Variants in DOK6 observed in about 807,000 individuals in gnomAD.
DOK6 encodes the protein docking protein 6, also known as downstream of tyrosine kinase 6.
In DOK6, 22 loss-of-function variants were observed where a neutral mutation model predicts 44.0. The observed-to-expected ratio is 0.50, with a 90% CI of 0.36 to 0.71. The LOEUF (loss-of-function observed/expected upper bound fraction) is 0.71, where lower values mean the gene tolerates loss of function less well. Ranked by LOEUF, DOK6 falls within the 30% of genes least tolerant of loss-of-function variation. The pLI is 0.00. For synonymous variants in DOK6, 166 were observed against 145.5 expected (o/e 1.14, Z -1.01); for missense variants, 340 against 416.4 (o/e 0.82, Z 1.60).
At chr18:69,825,694 T>G (rs1048219099) in intron 7 of DOK6, among the ~76,000 whole-genome samples, 3 of 152,100 alleles carry the variant, frequency 2.0e-5, no homozygotes, top group African/African-American at 7.2e-5. Flanking sequence ...TAACTTTCTA[T>G]TCTATTAAAT....
At chr18:69,513,482 C>T (rs1981431843) in intron 1 of DOK6, among the ~76,000 whole-genome samples, 1 of 152,186 alleles carries the variant, frequency 6.6e-6, no homozygotes, top group African/African-American at 2.4e-5. Context: ...ATGAGGATTT[C>T]CAGCAATAAG....
chr18:69,557,246 C>A (rs1017498072), intron 1 of DOK6, among the ~76,000 whole-genome samples: 1 of 152,188 alleles, frequency 6.6e-6, no homozygotes, highest in Non-Finnish European at 1.5e-5. Context: ...ACTGAAAATT[C>A]TTCCGAGTTT....
intron 5 of DOK6, among the ~76,000 whole-genome samples, chr18:69,708,471 T>A (rs1455793321): frequency 2.6e-5 from 4 of 152,110 alleles, no homozygotes; most frequent in Non-Finnish European, 4.4e-5. Context: ...CCTTCAGTGC[T>A]GATATGAGGA....
At chr18:69,514,306 A>G (rs1981455565) in intron 1 of DOK6, among the ~76,000 whole-genome samples, 1 of 152,182 alleles carries the variant, frequency 6.6e-6, no homozygotes, top group Non-Finnish European at 1.5e-5. Context: ...TGAAGACGAC[A>G]TTTAAGAACA....
At chr18:69,409,043 C>G (rs1978295333) in intron 1 of DOK6, among the ~76,000 whole-genome samples, 1 of 151,970 alleles carries the variant, frequency 6.6e-6, no homozygotes, top group Admixed American at 6.6e-5. Context: ...ATGGGAGGGA[C>G]CCGGTGGGAG....
Position 69,403,481 on chromosome 18 carries a change from C to T in DOK6, c.66+2171C>T, listed in dbSNP as rs866659829. Reference sequence around the variant, plus strand: ...GCTGTGTTCACTGTTTAGAGCTTTGCCTTTGTAAAGTGCAGCCTTCATAGA... The same window carrying T: ...GCTGTGTTCACTGTTTAGAGCTTTGTCTTTGTAAAGTGCAGCCTTCATAGA... On this transcript the variant is annotated intron_variant, in intron 1 of 7. Coordinates refer to ENST00000382713, the MANE Select transcript of DOK6 (RefSeq NM_152721.6). Among the ~76,000 whole-genome samples, 31 of 152,242 alleles carry T rather than the reference C, an allele frequency of 2.0e-4. 1 individual carries two copies. The South Asian group carries it at 5.2e-3, about 25-fold the overall frequency.
intron 6 of DOK6, among the ~76,000 whole-genome samples, chr18:69,743,032 C>T (rs1159165644): frequency 6.6e-6 from 1 of 152,148 alleles, no homozygotes; most frequent in African/African-American, 2.4e-5. Flanking sequence ...ATTCCTGCCT[C>T]CAAGTGAGAA....
At chr18:69,707,098 G>A (rs183388216) in intron 5 of DOK6, among the ~76,000 whole-genome samples, 1 of 152,160 alleles carries the variant, frequency 6.6e-6, no homozygotes, top group Middle Eastern at 3.2e-3. Flanking sequence ...GCTTCAAACA[G>A]AATAAAATAC....
chr18:69,681,846 G>A (rs991398936), intron 4 of DOK6, among the ~76,000 whole-genome samples: 3 of 152,176 alleles, frequency 2.0e-5, no homozygotes, highest in Admixed American at 2.0e-4. Context: ...TTCACTTGTA[G>A]GAAATTCCTG....
intron 1 of DOK6, among the ~76,000 whole-genome samples, chr18:69,453,640 C>T (rs1415984255): frequency 2.5e-5 from 2 of 80,448 alleles, no homozygotes; most frequent in Admixed American, 1.7e-4. Context: ...AGGCATCACA[C>T]TACCTGACTT....
At chr18:69,788,873 G>A (rs534823392) in intron 7 of DOK6, among the ~76,000 whole-genome samples, 2 of 152,220 alleles carry the variant, frequency 1.3e-5, no homozygotes, top group South Asian at 2.1e-4. Flanking sequence ...GCTATCTCAT[G>A]AAATAATGGA....
chr18:69,414,581 T>C lies in DOK6; in HGVS notation c.66+13271T>C, dbSNP rs75567031. On this transcript the variant is annotated intron_variant, in intron 1 of 7. Coordinates refer to ENST00000382713, the MANE Select transcript of DOK6 (RefSeq NM_152721.6). ...GAGGTTATGGACAGGAAAGAGGGTA[T>C]GGGGTTTGTGTGTGAGGTAGAAGTG... 7.8e-3 allele frequency among the ~76,000 whole-genome samples: 1,190 copies of C among 152,110 alleles called. 19 individuals carry two copies. Among genetic ancestry groups the C allele is most frequent in the African/African-American group, 0.027 (1,130 of 41,528 alleles).
rs138335988 is a variant in DOK6, at chr18:69,474,629, G to A, written c.66+73319G>A. Among the ~76,000 whole-genome samples the A allele has an allele frequency of 2.2e-3, 338 of 152,144 alleles. 1 individual carries two copies. The highest frequency in any genetic ancestry group is 4.1e-3 in the Non-Finnish European group (276 of 68,004). On this transcript the variant is annotated intron_variant, in intron 1 of 7. Coordinates refer to ENST00000382713, the MANE Select transcript of DOK6 (RefSeq NM_152721.6). ...GAAACTTCTTATAATGCCATTTTTC[G>A]ATTTTGAACCAACTTATATAGCACT... is the stretch of plus-strand genomic sequence containing the variant.
intron 1 of DOK6, among the ~76,000 whole-genome samples, chr18:69,492,353 G>A (rs1980757935): frequency 6.6e-6 from 1 of 151,996 alleles, no homozygotes; most frequent in East Asian, 1.9e-4. Context: ...GTATCTGCAA[G>A]CTCCAATTCT....
rs561782733 is a variant in DOK6 at position 69,696,171 on chromosome 18, A to G, written c.410-2233A>G. Among the ~76,000 whole-genome samples, 31 of 152,272 alleles carry G rather than the reference A, an allele frequency of 2.0e-4. 1 individual carries two copies. The highest frequency in any genetic ancestry group is 6.7e-4 in the African/African-American group (28 of 41,556). ...TTTTTTTCAGCTTTCTCCAGTGTCC[A>G]GTGTGATGCTTGTACTCTCTCCTTG... On this transcript the variant is annotated intron_variant, in intron 4 of 7. Transcript: ENST00000382713.
chr18:69,614,544 TTGTGTG>T (rs34596745), intron 3 of DOK6, among the ~76,000 whole-genome samples: 2,462 of 149,104 alleles, frequency 0.017, 47 homozygotes, highest in African/African-American at 0.056. Flanking sequence ...TATTTTTTCT[TTGTGTG>T]TGTGTGTGTG....
At chr18:69,704,283 G>A (rs928288595) in intron 5 of DOK6, among the ~76,000 whole-genome samples, 15 of 152,092 alleles carry the variant, frequency 9.9e-5, no homozygotes, top group African/African-American at 3.6e-4. Flanking sequence ...TGGAATATTT[G>A]GAAAGTATAT....
intron 1 of DOK6, among the ~76,000 whole-genome samples, chr18:69,524,085 A>G (rs527704240): frequency 7.2e-5 from 11 of 152,024 alleles, no homozygotes; most frequent in Non-Finnish European, 1.5e-4. Flanking sequence ...TTTTTATCCA[A>G]GCCTGTGTGC....
chr18:69,435,025 GGGAAGGAAGGAAGGAAGGAAGGAA>G (rs71176965), intron 1 of DOK6, among the ~76,000 whole-genome samples: 91 of 72,322 alleles, frequency 1.3e-3, no homozygotes, highest in Middle Eastern at 0.019. Context: ...TAGGGAGGGA[GGGAAGGAAGGAAGGAAGGAAGGAA>G]GGAAGGAAGG....
Sources: gnomAD v4.1 joint callset for allele counts (sites outside exome capture counted in the v4.1 genomes callset) on GRCh38, gnomAD v4.1.1 for gene constraint, MANE v1.5 for transcripts, NCBI Gene and HGNC (gene_info 2026-07-23, HGNC 2026-07-21) for gene names.